Variants in ADAMTS3 observed in about 807,000 individuals in gnomAD.
ADAMTS3 encodes A disintegrin and metalloproteinase with thrombospondin motifs 3.
In ADAMTS3, 73 loss-of-function variants were observed where a neutral mutation model predicts 129.0. That is an observed-to-expected ratio of 0.57 (90% CI 0.47 to 0.69). ADAMTS3 has a LOEUF of 0.69. ADAMTS3 is among the 30% of genes least tolerant of loss of function. ADAMTS3 has a pLI of 0.00. For missense variants in ADAMTS3, 1,457 were observed against 1,514.5 expected (o/e 0.96, Z 0.63); for synonymous variants, 477 against 510.8 (o/e 0.93, Z 0.89).
At chr4:72,343,432 C>G (rs1228970682) in intron 4 of ADAMTS3, among the ~76,000 whole-genome samples, 1 of 152,112 alleles carries the variant, frequency 6.6e-6, no homozygotes, top group Non-Finnish European at 1.5e-5. Context: ...TGAAAAGAAA[C>G]ATGTTACCAA....
At chr4:72,309,649 A>G (rs946868479) in intron 14 of ADAMTS3, 129 bp from the exon 15 acceptor site, 3 of 983,198 alleles carry the variant, frequency 3.1e-6, no homozygotes, top group Non-Finnish European at 4.3e-6. Context: ...CTGCCACTGT[A>G]GTCATAATTT....
chr4:72,532,103 GA>G (rs922860547), intron 3 of ADAMTS3, among the ~76,000 whole-genome samples: 28 of 151,476 alleles, frequency 1.8e-4, no homozygotes, highest in African/African-American at 6.8e-4. Context: ...AAGTCAGCTA[GA>G]AAAAACCAGT....
chr4:72,550,758 TAA>T (rs1414485961), intron 2 of ADAMTS3, among the ~76,000 whole-genome samples: 1 of 151,956 alleles, frequency 6.6e-6, no homozygotes, highest in Non-Finnish European at 1.5e-5. Context: ...ACTCAAAATA[TAA>T]GAGAATGAGC....
At chr4:72,343,154 G>A (rs554325137) in intron 4 of ADAMTS3, among the ~76,000 whole-genome samples, 1 of 152,046 alleles carries the variant, frequency 6.6e-6, no homozygotes, top group Non-Finnish European at 1.5e-5. Context: ...CTGGGAAGCT[G>A]GCCATCCCAC....
chr4:72,418,376 G>GTTGCTC (rs2109930683), intron 3 of ADAMTS3, among the ~76,000 whole-genome samples: 1 of 152,206 alleles, frequency 6.6e-6, no homozygotes, highest in South Asian at 2.1e-4. Context: ...GGTAGCAAGT[G>GTTGCTC]GAGCAAGCAT....
intron 3 of ADAMTS3, among the ~76,000 whole-genome samples, chr4:72,546,031 T>G (rs1162717226): frequency 6.6e-6 from 1 of 152,166 alleles, no homozygotes; most frequent in Non-Finnish European, 1.5e-5. Flanking sequence ...CTTACTAAAA[T>G]AGGCATGGCA....
rs548250832 is a variant in ADAMTS3 at position 72,286,983 on chromosome 4, TG to T, written c.3049+1767del. ...TGGAAGGAGAGGAAAAAGGTGGGTA[TG>T]GCCTGAATGTGTGCCCCCAAAATTC... On this transcript the variant is annotated intron_variant, in intron 21 of 21. Coordinates refer to ENST00000286657, the MANE Select transcript of ADAMTS3 (RefSeq NM_014243.3). Among the ~76,000 whole-genome samples, 57 of 152,132 alleles carry T rather than the reference TG, an allele frequency of 3.7e-4. 1 individual carries two copies. In the South Asian group the frequency reaches 7.9e-3, roughly 21 times the overall value.
At chr4:72,400,121 TATAC>T (rs1721862346) in intron 4 of ADAMTS3, among the ~76,000 whole-genome samples, 1 of 128,462 alleles carries the variant, frequency 7.8e-6, no homozygotes, top group Non-Finnish European at 1.7e-5. Flanking sequence ...ATGGTGTGTA[TATAC>T]GTGTGTATAT....
At chr4:72,311,210 A>G in intron 13 of ADAMTS3, 29 bp from the exon 14 acceptor site, 1 of 1,587,514 alleles carries the variant, frequency 6.3e-7, no homozygotes, top group East Asian at 2.3e-5. Context: ...AAAATTAACT[A>G]TTTACATAAA....
At chr4:72,292,410 C>A (rs1171684142) in intron 19 of ADAMTS3, among the ~76,000 whole-genome samples, 1 of 152,208 alleles carries the variant, frequency 6.6e-6, no homozygotes, top group Non-Finnish European at 1.5e-5. Context: ...TAATGCAGTT[C>A]TTCTTATTGG....
At chr4:72,498,679 G>A (rs980817241) in intron 3 of ADAMTS3, among the ~76,000 whole-genome samples, 12 of 151,164 alleles carry the variant, frequency 7.9e-5, no homozygotes, top group African/African-American at 2.7e-4. Flanking sequence ...GCACACACAC[G>A]TTTATTAATA....
chr4:72,477,478 G>A (rs1719272317), intron 3 of ADAMTS3, among the ~76,000 whole-genome samples: 1 of 152,064 alleles, frequency 6.6e-6, no homozygotes, highest in Non-Finnish European at 1.5e-5. Flanking sequence ...AAATAAAGAT[G>A]TTCTTTGAAA....
intron 3 of ADAMTS3, among the ~76,000 whole-genome samples, chr4:72,473,172 C>T (rs1203463938): frequency 2.6e-5 from 4 of 152,100 alleles, no homozygotes; most frequent in African/African-American, 4.8e-5. Flanking sequence ...TATCAGAAGT[C>T]GACATACTTC....
intron 3 of ADAMTS3, among the ~76,000 whole-genome samples, chr4:72,426,250 G>A (rs1246475826): frequency 2.6e-5 from 4 of 152,128 alleles, no homozygotes; most frequent in African/African-American, 9.7e-5. Context: ...TGTCAGATGA[G>A]TAGATTGCAA....
chr4:72,463,091 A>T (rs1718816969), intron 3 of ADAMTS3, among the ~76,000 whole-genome samples: 1 of 151,934 alleles, frequency 6.6e-6, no homozygotes, highest in Non-Finnish European at 1.5e-5. Context: ...TTTTTATGCT[A>T]TCTTTTCTAT....
intron 3 of ADAMTS3, among the ~76,000 whole-genome samples, chr4:72,496,522 A>G (rs1719876968): frequency 6.6e-6 from 1 of 152,118 alleles, no homozygotes; most frequent in Non-Finnish European, 1.5e-5. Flanking sequence ...GCATCCCGCT[A>G]TATGGCATAG....
chr4:72,514,076 C>T (rs1303726002), intron 3 of ADAMTS3, among the ~76,000 whole-genome samples: 1 of 152,066 alleles, frequency 6.6e-6, no homozygotes, highest in African/African-American at 2.4e-5. Flanking sequence ...TTCTTCCTCA[C>T]CCCCTCTCCT....
intron 4 of ADAMTS3, among the ~76,000 whole-genome samples, chr4:72,345,438 T>C (rs1268335816): frequency 2.0e-5 from 3 of 152,136 alleles, no homozygotes; most frequent in African/African-American, 4.8e-5. Context: ...AAATTTAAAG[T>C]TATCACTTCC....
chr4:72,496,153 C>T (rs1160349175), intron 3 of ADAMTS3, among the ~76,000 whole-genome samples: 1 of 152,192 alleles, frequency 6.6e-6, no homozygotes. Flanking sequence ...CTTAATCTTA[C>T]AGAGGAAATC....
Sources: gnomAD v4.1 joint callset for allele counts (sites outside exome capture counted in the v4.1 genomes callset) on GRCh38, gnomAD v4.1.1 for gene constraint, MANE v1.5 for transcripts, NCBI Gene and HGNC (gene_info 2026-07-23, HGNC 2026-07-21) for gene names.